LRPPRC: variants seen among roughly 807,000 people sequenced by gnomAD.
The protein encoded by LRPPRC is leucine-rich PPR motif-containing protein, mitochondrial.
A neutral mutation model predicts 180.3 loss-of-function variants in LRPPRC; 120 were observed. The ratio of observed to expected loss-of-function variants is 0.67; its 90% CI spans 0.57 to 0.77. LRPPRC has a LOEUF of 0.77. LRPPRC is among the 30% of genes least tolerant of loss of function. The pLI is 0.00. For missense variants in LRPPRC, 2,012 were observed against 1,657.2 expected, an observed-to-expected ratio of 1.21 and a Z score of -3.72; for synonymous variants, 723 against 600.0, an observed-to-expected ratio of 1.21 and a Z score of -3.00.
intron 32 of LRPPRC, among the ~76,000 whole-genome samples, chr2:43,900,716 C>T (rs1308056107): frequency 6.6e-6 from 1 of 152,026 alleles, no homozygotes; most frequent in African/African-American, 2.4e-5. Context: ...TACTAAAGAA[C>T]ATTTTTTCTA....
chr2:43,905,667 G>A (rs1399247433), intron 31 of LRPPRC, 25 bp downstream of exon 31: 5 of 1,537,944 alleles, frequency 3.3e-6, no homozygotes, highest in East Asian at 4.5e-5. Context: ...TTAATGTGAC[G>A]TAAAGGTCAA....
chr2:43,981,957 G>A (rs890219645), intron 2 of LRPPRC, among the ~76,000 whole-genome samples: 1 of 151,966 alleles, frequency 6.6e-6, no homozygotes, highest in Non-Finnish European at 1.5e-5. Flanking sequence ...GCCCAGGCTG[G>A]AGTGCAGTTG....
chr2:43,989,719 T>C (rs1674686334), intron 1 of LRPPRC, among the ~76,000 whole-genome samples: 1 of 152,224 alleles, frequency 6.6e-6, no homozygotes, highest in Non-Finnish European at 1.5e-5. Flanking sequence ...CAAGATCAAA[T>C]GTGTAACATA....
intron 11 of LRPPRC, among the ~76,000 whole-genome samples, chr2:43,968,998 G>C (rs145095930): frequency 3.9e-5 from 6 of 152,118 alleles, no homozygotes; most frequent in African/African-American, 1.4e-4. Flanking sequence ...TCATTATATT[G>C]TACACCTTGA....
chr2:43,889,905 A>G, intron 36 of LRPPRC, 29 bp from the exon 37 acceptor site: 1 of 1,543,042 alleles, frequency 6.5e-7, no homozygotes, highest in Non-Finnish European at 9.0e-7. Flanking sequence ...TATATTAATC[A>G]GAGATAAAGA....
intron 11 of LRPPRC, among the ~76,000 whole-genome samples, chr2:43,967,686 T>A (rs768228511): frequency 3.3e-5 from 5 of 152,132 alleles, no homozygotes; most frequent in Non-Finnish European, 7.3e-5. Flanking sequence ...AGAGCGAGAC[T>A]CGGTCTCAAA....
chr2:43,995,724 G>T (rs952411302), intron 1 of LRPPRC, 75 bp downstream of exon 1: 1 of 1,294,700 alleles, frequency 7.7e-7, no homozygotes, highest in Non-Finnish European at 9.9e-7. Flanking sequence ...GGCAGGACCC[G>T]GTCCCTGCCG....
chr2:43,964,019 A>G (rs200574631), intron 11 of LRPPRC, among the ~76,000 whole-genome samples: 2 of 152,228 alleles, frequency 1.3e-5, no homozygotes, highest in East Asian at 3.8e-4. Context: ...ATAATACAAC[A>G]CTGCTATTAT....
intron 13 of LRPPRC, among the ~76,000 whole-genome samples, chr2:43,958,095 C>T (rs942317507): frequency 2.0e-5 from 3 of 152,192 alleles, no homozygotes; most frequent in African/African-American, 4.8e-5. Flanking sequence ...TCAATGCTGA[C>T]ATTATAAGCC....
At chr2:43,994,728 T>A (rs1265523796) in intron 1 of LRPPRC, among the ~76,000 whole-genome samples, 1 of 152,072 alleles carries the variant, frequency 6.6e-6, no homozygotes, top group Non-Finnish European at 1.5e-5. Context: ...TCAGCACCTA[T>A]CTCCCCTTCT....
rs759417718 is a variant in LRPPRC at position 43,963,598 on chromosome 2, G to A, written c.1478C>T (p.Ala493Val). 1 of 1,588,184 alleles carries A rather than the reference G, an allele frequency of 6.3e-7. No homozygotes were observed. The highest frequency in any genetic ancestry group is 2.2e-5 in the East Asian group (1 of 44,728). The change falls in exon 12 of 38, where the codon GCC becomes GTC. Residue 493 changes from alanine (A) to valine (V), a missense_variant. Coordinates refer to ENST00000260665, the MANE Select transcript of LRPPRC (RefSeq NM_133259.4). ...PCFDSVNSAR[A>V]ILQENGCLSD... Reference sequence around the variant, plus strand: ...CACACTTGTACTCACCTGCAAAATGGCTCGTGCTGAGTTTACACTATCAAA... The same window carrying A: ...CACACTTGTACTCACCTGCAAAATGACTCGTGCTGAGTTTACACTATCAAA...
At chr2:43,980,052 G>T in intron 2 of LRPPRC, 104 bp from the exon 3 acceptor site, 1 of 1,123,746 alleles carries the variant, frequency 8.9e-7, no homozygotes, top group Non-Finnish European at 1.3e-6. Flanking sequence ...AAATCTTCTG[G>T]CTCAAACTGA....
chr2:43,898,104 A>C (rs911841429), intron 34 of LRPPRC, among the ~76,000 whole-genome samples: 4 of 151,490 alleles, frequency 2.6e-5, no homozygotes, highest in Non-Finnish European at 5.9e-5. Context: ...GAAAAAAAGT[A>C]AACAAGCAAA....
chr2:43,938,622 C>G (rs1156940304), intron 23 of LRPPRC, among the ~76,000 whole-genome samples: 2 of 152,112 alleles, frequency 1.3e-5, no homozygotes, highest in Non-Finnish European at 2.9e-5. Flanking sequence ...GCTCCGATGG[C>G]AAATCTGATA....
intron 23 of LRPPRC, among the ~76,000 whole-genome samples, chr2:43,936,155 T>C (rs184098835): frequency 3.9e-5 from 6 of 152,180 alleles, no homozygotes; most frequent in African/African-American, 1.4e-4. Flanking sequence ...CACCCCCTTT[T>C]ACTTTCAAAG....
At chr2:43,904,720 CA>C (rs1671010621) in intron 31 of LRPPRC, 4 of 132,828 alleles carry the variant, frequency 3.0e-5, no homozygotes, top group African/African-American at 1.2e-4. Flanking sequence ...AAAAAAAAAA[CA>C]AAACAAAAAA....
At chr2:43,912,702 C>A in intron 29 of LRPPRC, 144 bp from the exon 30 acceptor site, 1 of 638,670 alleles carries the variant, frequency 1.6e-6, no homozygotes, top group Non-Finnish European at 2.8e-6. Flanking sequence ...TAGAGAGACA[C>A]ACTGACATAA....
chr2:43,969,488 T>C (rs1468961539), intron 11 of LRPPRC, among the ~76,000 whole-genome samples: 1 of 151,942 alleles, frequency 6.6e-6, no homozygotes, highest in African/African-American at 2.4e-5. Flanking sequence ...AAAGCCTACA[T>C]GTTTTTCCTG....
chr2:43,896,709 C>CT lies in LRPPRC; in HGVS notation c.3826-2dup. On this transcript the variant is annotated splice_acceptor_variant, in intron 34 of 37. Coordinates refer to ENST00000260665, the MANE Select transcript of LRPPRC (RefSeq NM_133259.4). LOFTEE classifies it high-confidence loss of function. ...TTTGTTCAGCAATTGCACCACATCT[C>CT]TAAAAATTAAAACATTATTCAGTAA... 1 of 1,588,070 alleles carries CT rather than the reference C, an allele frequency of 6.3e-7. No homozygotes were observed.
Sources: allele counts gnomAD v4.1 joint callset (sites outside exome capture counted in the v4.1 genomes callset), GRCh38; gene constraint gnomAD v4.1.1; transcripts MANE v1.5; gene names NCBI Gene and HGNC (gene_info 2026-07-23, HGNC 2026-07-21).